The following GRM3 variants were observed in gnomAD, a reference collection of about 807,000 sequenced individuals.
GRM3 encodes the protein glutamate metabotropic receptor 3, also known as metabotropic glutamate receptor 3.
A neutral mutation model predicts 70.5 loss-of-function variants in GRM3; 26 were observed. The observed-to-expected ratio is 0.37, with a 90% CI of 0.27 to 0.51. GRM3 has a LOEUF of 0.51. Ranked by LOEUF, GRM3 falls within the 20% of genes least tolerant of loss-of-function variation. The probability of loss-of-function intolerance (pLI) is 0.93; values close to 1 mark genes in which losing one functional copy is unlikely to be tolerated. For synonymous variants in GRM3, 443 were observed against 434.9 expected (o/e 1.02, Z -0.23); for missense variants, 859 against 1,123.8 (o/e 0.76, Z 3.37).
At chr7:86,826,041 A>G (rs1018479733) in intron 3 of GRM3, among the ~76,000 whole-genome samples, 3 of 152,144 alleles carry the variant, frequency 2.0e-5, no homozygotes, top group Admixed American at 6.6e-5. Context: ...TTTCTAGCCA[A>G]CTTTGTTTGG....
At chr7:86,820,177 T>C (rs554209449) in intron 3 of GRM3, among the ~76,000 whole-genome samples, 282 of 152,304 alleles carry the variant, frequency 1.9e-3, no homozygotes, top group Non-Finnish European at 3.5e-3. Context: ...GCTCATAGCA[T>C]ATAGAAAGGA....
chr7:86,858,438 G>T (rs1372613432), intron 5 of GRM3, among the ~76,000 whole-genome samples: 1 of 152,100 alleles, frequency 6.6e-6, no homozygotes, highest in African/African-American at 2.4e-5. Context: ...TGATCAGGGT[G>T]GGGCCCCCAT....
At chr7:86,716,713 C>A (rs183113208) in intron 1 of GRM3, among the ~76,000 whole-genome samples, 1 of 151,250 alleles carries the variant, frequency 6.6e-6, no homozygotes, top group African/African-American at 2.4e-5. Context: ...TCTGCTTATT[C>A]TTTATAAATT....
Position 86,850,366 on chromosome 7 carries a change from G to T in GRM3, c.2392-4G>T. 1 of 1,610,674 alleles carries T rather than the reference G, an allele frequency of 6.2e-7. No individual in the cohort carries two copies. Among genetic ancestry groups the T allele is most frequent in the Non-Finnish European group, 8.5e-7 (1 of 1,177,634 alleles). On this transcript the variant is annotated splice_region_variant and splice_polypyrimidine_tract_variant and intron_variant, in intron 4 of 5. Coordinates refer to ENST00000361669, the MANE Select transcript of GRM3 (RefSeq NM_000840.3). Reference sequence around the variant, plus strand: ...GACACTTACTAGCCAACCTTCTCTTGTAGGTGCAGACGACAACCATGTGCA... The same window carrying T: ...GACACTTACTAGCCAACCTTCTCTTTTAGGTGCAGACGACAACCATGTGCA...
In GRM3 at chr7:86,676,312, C is replaced by T. The variant is rs116875848; in HGVS notation, c.-141+31440C>T. On this transcript the variant is annotated intron_variant, in intron 1 of 5. Transcript: ENST00000361669. ...GATCAAGAAGATTTTAGATTAAAAT[C>T]AGAGGAAGACAAAAAATATCTCAAT... 8.1e-3 allele frequency among the ~76,000 whole-genome samples: 1,229 copies of T among 151,854 alleles called. 18 individuals are homozygous for T. The highest frequency in any genetic ancestry group is 0.05 in the South Asian group (239 of 4,804).
chr7:86,666,293 A>G (rs1794024398), intron 1 of GRM3, among the ~76,000 whole-genome samples: 1 of 152,066 alleles, frequency 6.6e-6, no homozygotes, highest in South Asian at 2.1e-4. Flanking sequence ...TAGCTTACTT[A>G]CAGAAGCAAA....
At chr7:86,710,488 A>G (rs908467283) in intron 1 of GRM3, among the ~76,000 whole-genome samples, 4 of 148,550 alleles carry the variant, frequency 2.7e-5, no homozygotes, top group Admixed American at 6.8e-5. Flanking sequence ...GTATAAAATA[A>G]CTATAGAAGA....
chr7:86,694,437 G>GGGAAGT (rs1177235590), intron 1 of GRM3, among the ~76,000 whole-genome samples: 3 of 148,622 alleles, frequency 2.0e-5, no homozygotes, highest in Non-Finnish European at 4.4e-5. Flanking sequence ...GTGTGAACCC[G>GGGAAGT]GGAAGTGGGG....
At chr7:86,722,094 A>C (rs1795479866) in intron 1 of GRM3, among the ~76,000 whole-genome samples, 1 of 152,146 alleles carries the variant, frequency 6.6e-6, no homozygotes, top group Middle Eastern at 3.2e-3. Context: ...AATATTACTC[A>C]GTCATAATAG....
At chr7:86,757,725 C>T (rs1415653995) in intron 1 of GRM3, among the ~76,000 whole-genome samples, 1 of 152,166 alleles carries the variant, frequency 6.6e-6, no homozygotes, top group East Asian at 1.9e-4. Flanking sequence ...GGAAAGTGCC[C>T]TGTGCAGAAT....
intron 1 of GRM3, among the ~76,000 whole-genome samples, chr7:86,685,468 C>T (rs1308512384): frequency 6.6e-6 from 1 of 152,154 alleles, no homozygotes; most frequent in Non-Finnish European, 1.5e-5. Flanking sequence ...TGTGTGTGAG[C>T]AAGTGGGCTT....
intron 3 of GRM3, among the ~76,000 whole-genome samples, chr7:86,829,710 G>C (rs1382299679): frequency 6.6e-6 from 1 of 152,064 alleles, no homozygotes; most frequent in Non-Finnish European, 1.5e-5. Context: ...ACAGTTTGCG[G>C]CACCTGAAAA....
At chr7:86,719,400 T>C (rs186365442) in intron 1 of GRM3, among the ~76,000 whole-genome samples, 1 of 152,064 alleles carries the variant, frequency 6.6e-6, no homozygotes, top group Admixed American at 6.6e-5. Flanking sequence ...ACCAGGCATA[T>C]AAAGATAAGT....
Position 86,786,600 on chromosome 7 carries a change from C to G in GRM3, c.808C>G (p.Arg270Gly), listed in dbSNP as rs1476933480. 5.0e-6 allele frequency: 8 copies of G among 1,613,468 alleles called. No homozygotes were observed. The Admixed American group carries it at 8.3e-5, about 17-fold the overall frequency. Residue 270 changes from arginine (R) to glycine (G), a missense_variant, in exon 3 of 6, where the codon CGC (arginine) becomes GGC (glycine). Transcript: ENST00000361669. The surrounding 1 kb of genome is among the most constrained non-coding windows in gnomAD (Gnocchi z 6.0). Reference protein sequence around the residue: ...IRELLQKPNARVVVLFMRSDD... With the variant: ...IRELLQKPNAGVVVLFMRSDD... Reference sequence around the variant, plus strand: ...AGAACTGTTGCAGAAGCCCAACGCGCGCGTCGTGGTCCTCTTCATGCGCAG... The same window carrying G: ...AGAACTGTTGCAGAAGCCCAACGCGGGCGTCGTGGTCCTCTTCATGCGCAG...
intron 1 of GRM3, among the ~76,000 whole-genome samples, chr7:86,683,095 G>A (rs115525818): frequency 0.013 from 2,038 of 152,280 alleles, 37 homozygotes; most frequent in African/African-American, 0.047. Flanking sequence ...AGACTCTGAG[G>A]TGATCTAGAT....
chr7:86,671,008 T>C (rs11978143), intron 1 of GRM3, among the ~76,000 whole-genome samples: 2,931 of 152,302 alleles, frequency 0.019, 93 homozygotes, highest in African/African-American at 0.067. Flanking sequence ...TCATGAAATA[T>C]GTTTGAACTA....
At chr7:86,823,582 ATT>A (rs35792615) in intron 3 of GRM3, among the ~76,000 whole-genome samples, 4,211 of 42,722 alleles carry the variant, frequency 0.099, 48 homozygotes, top group Non-Finnish European at 0.13. Context: ...TGTGTGAGGT[ATT>A]TTTTTTTTTT....
chr7:86,682,917 T>C (rs1257924695), intron 1 of GRM3, among the ~76,000 whole-genome samples: 1 of 152,016 alleles, frequency 6.6e-6, no homozygotes, highest in Non-Finnish European at 1.5e-5. Context: ...AGAGATAAAG[T>C]AGAGAAAAAG....
At chr7:86,737,290 C>A (rs1006845115) in intron 1 of GRM3, among the ~76,000 whole-genome samples, 2 of 152,164 alleles carry the variant, frequency 1.3e-5, no homozygotes, top group Non-Finnish European at 2.9e-5. Context: ...TCACAGTTAA[C>A]CTTCACAAAT....
Sources: gnomAD v4.1 joint callset for allele counts (sites outside exome capture counted in the v4.1 genomes callset) on GRCh38, gnomAD v4.1.1 for gene constraint, Gnocchi (gnomAD v3.1) non-coding constraint, MANE v1.5 for transcripts, NCBI Gene and HGNC (gene_info 2026-07-23, HGNC 2026-07-21) for gene names.